The following DLC1 variants were observed in gnomAD, a reference collection of about 807,000 sequenced individuals.
DLC1 encodes DLC1 Rho GTPase activating protein.
DLC1 carries 54 observed loss-of-function variants against 140.3 expected under a neutral mutation model. The observed-to-expected ratio is 0.38, with a 90% CI of 0.31 to 0.48. DLC1 has a LOEUF of 0.48. Ranked by LOEUF, DLC1 falls within the 20% of genes least tolerant of loss-of-function variation. The probability of loss-of-function intolerance (pLI) is 0.96; values close to 1 mark genes in which losing one functional copy is unlikely to be tolerated. For synonymous variants in DLC1, 986 were observed against 728.1 expected (o/e 1.35, Z -5.70); for missense variants, 2,536 against 1,907.0 (o/e 1.33, Z -6.14).
chr8:13,424,241 A>G (rs369379527), intron 2 of DLC1, among the ~76,000 whole-genome samples: 2 of 152,202 alleles, frequency 1.3e-5, no homozygotes, highest in East Asian at 1.9e-4. Flanking sequence ...GCTCACCCCT[A>G]TAATCCCAGC....
chr8:13,508,285 T>G (rs1202511383), intron 1 of DLC1, among the ~76,000 whole-genome samples: 1 of 152,176 alleles, frequency 6.6e-6, no homozygotes, highest in African/African-American at 2.4e-5. Flanking sequence ...CGCATGTAAT[T>G]TGAGGAAACT....
At chr8:13,600,280 T>C (rs73213949) in intron 1 of DLC1, among the ~76,000 whole-genome samples, 9 of 152,020 alleles carry the variant, frequency 5.9e-5, no homozygotes, top group Non-Finnish European at 1.0e-4. Flanking sequence ...ATGGACTATA[T>C]AGAATTCAAC....
chr8:13,499,365 C>T lies in DLC1; in HGVS notation c.707G>A (p.Arg236Lys). The T allele has an allele frequency of 6.2e-7, 1 of 1,613,950 alleles. No individual in the cohort carries two copies. Among genetic ancestry groups the T allele is most frequent in the Non-Finnish European group, 8.5e-7 (1 of 1,179,996 alleles). Residue 236 changes from arginine (R) to lysine (K), a missense_variant, in exon 2 of 18, where the codon AGG (arginine) becomes AAG (lysine). Transcript: ENST00000276297. ...LNSAVIAQQR[R>K]KPDPPKDENE... ...TTCATCTTTAGGGGGGTCAGGTTTC[C>T]TTCGTTGCTGAGCAATTACAGCAGA...
At chr8:13,212,832 C>T (rs1190924149) in intron 5 of DLC1, among the ~76,000 whole-genome samples, 2 of 152,126 alleles carry the variant, frequency 1.3e-5, no homozygotes, top group Non-Finnish European at 1.5e-5. Flanking sequence ...GTCTGAAAAG[C>T]AGAAGTCCAG....
intron 5 of DLC1, among the ~76,000 whole-genome samples, chr8:13,220,759 T>C (rs1208501463): frequency 6.6e-6 from 1 of 152,158 alleles, no homozygotes; most frequent in Non-Finnish European, 1.5e-5. Flanking sequence ...AGGAACTAAA[T>C]ATGTATAATT....
At chr8:13,453,016 A>G (rs1185453976) in intron 2 of DLC1, among the ~76,000 whole-genome samples, 1 of 151,842 alleles carries the variant, frequency 6.6e-6, no homozygotes, top group Non-Finnish European at 1.5e-5. Context: ...CATAGTCACA[A>G]CCTCACTTTT....
At chr8:13,493,256 T>A (rs1354013208) in intron 2 of DLC1, among the ~76,000 whole-genome samples, 2 of 152,232 alleles carry the variant, frequency 1.3e-5, no homozygotes, top group Admixed American at 6.5e-5. Context: ...CTGCTTTACA[T>A]TCCTTCCCTC....
intron 4 of DLC1, among the ~76,000 whole-genome samples, chr8:13,335,991 A>G (rs1833795412): frequency 6.6e-6 from 1 of 152,126 alleles, no homozygotes; most frequent in South Asian, 2.1e-4. Flanking sequence ...TTCACTTATG[A>G]AGGTACTATT....
intron 5 of DLC1, among the ~76,000 whole-genome samples, chr8:13,287,063 G>A (rs1444627890): frequency 6.6e-6 from 1 of 152,150 alleles, no homozygotes; most frequent in Non-Finnish European, 1.5e-5. Context: ...TGTGTTGGGA[G>A]ACTCTCGTTA....
At chr8:13,271,097 G>A (rs538108444) in intron 5 of DLC1, among the ~76,000 whole-genome samples, 1 of 152,102 alleles carries the variant, frequency 6.6e-6, no homozygotes, top group Non-Finnish European at 1.5e-5. Flanking sequence ...ACATCAACAT[G>A]TTCCTCTTTT....
At chr8:13,344,098 T>G (rs1281763147) in intron 4 of DLC1, among the ~76,000 whole-genome samples, 1 of 152,218 alleles carries the variant, frequency 6.6e-6, no homozygotes, top group African/African-American at 2.4e-5. Flanking sequence ...TATTTGCTCC[T>G]TTTTCTTTCA....
intron 5 of DLC1, among the ~76,000 whole-genome samples, chr8:13,184,976 G>T (rs1826268905): frequency 6.6e-6 from 1 of 152,090 alleles, no homozygotes; most frequent in Admixed American, 6.6e-5. Context: ...ATGAATCTGG[G>T]TGCTCCTGTA....
In DLC1 at chr8:13,310,361, C is replaced by T. The variant is rs1372309294; in HGVS notation, c.1315-5059G>A. Among the ~76,000 whole-genome samples, 4 of 152,174 alleles carry T rather than the reference C, an allele frequency of 2.6e-5. No individual in the cohort carries two copies. In the East Asian group the frequency reaches 5.8e-4, roughly 22 times the overall value. On this transcript the variant is annotated intron_variant, in intron 4 of 17. Transcript: ENST00000276297. ...GAAAAATCAGTGACAGAGTAATTTA[C>T]TCCTTTCCCTTTAAAACATTCACTT...
chr8:13,185,978 C>G (rs952927031), intron 5 of DLC1, among the ~76,000 whole-genome samples: 1 of 152,182 alleles, frequency 6.6e-6, no homozygotes, highest in Non-Finnish European at 1.5e-5. Flanking sequence ...TATTGACCCC[C>G]ACTCTCTTCT....
Position 13,094,761 on chromosome 8 carries a change from T to C in DLC1, c.3524A>G (p.Gln1175Arg), listed in dbSNP as rs780122107. Residue 1175 changes from glutamine (Q) to arginine (R), a missense_variant and splice_region_variant, in exon 12 of 18, where the codon CAA becomes CGA. Coordinates refer to ENST00000276297, the MANE Select transcript of DLC1 (RefSeq NM_182643.3). ...KLSETFLQIY[Q>R]YVPKDQRLQA... ...TCTTAAGATCAAAGGACACTCACAT[T>C]GGTAGATCTGTAGAAAGGTTTCCGA... 3.7e-6 allele frequency: 6 copies of C among 1,614,048 alleles called. No individual in the cohort carries two copies. Among genetic ancestry groups the C allele is most frequent in the Non-Finnish European group, 5.1e-6 (6 of 1,180,022 alleles).
chr8:13,405,112 A>G (rs1257643970), intron 2 of DLC1, among the ~76,000 whole-genome samples: 1 of 151,754 alleles, frequency 6.6e-6, no homozygotes, highest in African/African-American at 2.4e-5. Flanking sequence ...TATGTTTGTA[A>G]ACTTCTTTAA....
intron 4 of DLC1, among the ~76,000 whole-genome samples, chr8:13,316,787 C>T (rs1381774077): frequency 6.6e-6 from 1 of 152,150 alleles, no homozygotes; most frequent in Non-Finnish European, 1.5e-5. Context: ...ATCAGCTCAG[C>T]CACTACTAAC....
At chr8:13,095,285 T>G in intron 10 of DLC1, 40 bp from the exon 11 acceptor site, 1 of 1,612,790 alleles carries the variant, frequency 6.2e-7, no homozygotes, top group South Asian at 1.1e-5. Flanking sequence ...GGCGGAGACA[T>G]GCTCACTTGT....
intron 2 of DLC1, among the ~76,000 whole-genome samples, chr8:13,402,225 T>A (rs1837330955): frequency 6.6e-6 from 1 of 152,238 alleles, no homozygotes; most frequent in Non-Finnish European, 1.5e-5. Context: ...CACAACAATT[T>A]GTATTTTTGT....
Sources: gnomAD v4.1 joint callset for allele counts (sites outside exome capture counted in the v4.1 genomes callset) on GRCh38, gnomAD v4.1.1 for gene constraint, MANE v1.5 for transcripts, NCBI Gene and HGNC (gene_info 2026-07-23, HGNC 2026-07-21) for gene names.